Variants in PSMC1 observed in about 807,000 individuals in gnomAD.
PSMC1 encodes 26S proteasome regulatory subunit 4.
A neutral mutation model predicts 49.8 loss-of-function variants in PSMC1; 5 were observed. That is an observed-to-expected ratio of 0.10 (90% CI 0.05 to 0.21). The LOEUF (loss-of-function observed/expected upper bound fraction) is 0.21. Ranked by LOEUF, PSMC1 falls within the 10% of genes least tolerant of loss-of-function variation. PSMC1 has a pLI of 1.00. For synonymous variants in PSMC1, 155 were observed against 192.1 expected, an observed-to-expected ratio of 0.81 and a Z score of 1.60; for missense variants, 181 against 535.7, an observed-to-expected ratio of 0.34 and a Z score of 6.54.
intron 7 of PSMC1, among the ~76,000 whole-genome samples, chr14:90,267,256 G>A (rs1868278161): frequency 6.6e-6 from 1 of 151,792 alleles, no homozygotes. Context: ...TAGCCTCTCG[G>A]GTTCAAGCAA....
intron 2 of PSMC1, among the ~76,000 whole-genome samples, 200 bp from the exon 3 acceptor site, chr14:90,259,915 C>A (rs1566671295): frequency 6.6e-6 from 1 of 152,138 alleles, no homozygotes; most frequent in African/African-American, 2.4e-5. Context: ...AGCCACCACA[C>A]CCAGCCTACA....
At chr14:90,269,733 A>G (rs1891613457) in intron 9 of PSMC1, 185 bp downstream of exon 9, 2 of 532,994 alleles carry the variant, frequency 3.8e-6, no homozygotes, top group Non-Finnish European at 6.3e-6. Context: ...TGGTCTGTGC[A>G]CCTTGGCCCT....
chr14:90,259,811 G>A (rs567543403), intron 2 of PSMC1, among the ~76,000 whole-genome samples: 1 of 151,906 alleles, frequency 6.6e-6, no homozygotes, highest in Admixed American at 6.6e-5. Flanking sequence ...TAGTAGAGAT[G>A]GAGTTTCACC....
chr14:90,267,527 CT>C (rs952056069), intron 7 of PSMC1: 1 of 152,256 alleles, frequency 6.6e-6, no homozygotes, highest in Admixed American at 6.5e-5. Flanking sequence ...TGTTTGAGCT[CT>C]TCCCTGAGAT....
At chr14:90,264,334 GGTGAT>G (rs1478423974) in intron 6 of PSMC1, among the ~76,000 whole-genome samples, 165 bp downstream of exon 6, 1 of 152,218 alleles carries the variant, frequency 6.6e-6, no homozygotes, top group Admixed American at 6.5e-5. Context: ...TACTGAGTTA[GGTGAT>G]AGAAATAACA....
Position 90,272,151 on chromosome 14 carries a change from C to T in PSMC1, c.1189-122C>T, listed in dbSNP as rs74959426. ...TTAGGCGATCCACCTGCCTCGGCCT[C>T]CCAGAGTGCTGGGATTACAGGTGTG... On this transcript the variant is annotated intron_variant, in intron 10 of 10. Coordinates refer to ENST00000261303, the MANE Select transcript of PSMC1 (RefSeq NM_002802.3). This position sits in a 1 kb window ranked among gnomAD's most constrained non-coding sequence, Gnocchi z 4.5. 1.3e-4 allele frequency: 149 copies of T among 1,115,822 alleles called. No individual in the cohort carries two copies. The East Asian group carries it at 4.2e-3, about 31-fold the overall frequency. 69.1% of individuals were successfully genotyped at this position (1,115,822 alleles called of 1,614,324 possible). A position where few individuals can be genotyped will look rare whatever the true frequency, so the allele number is the denominator to read the frequency against.
chr14:90,270,548 G>A, intron 10 of PSMC1, 196 bp downstream of exon 10: 1 of 584,726 alleles, frequency 1.7e-6, no homozygotes, highest in Non-Finnish European at 2.8e-6. Context: ...ATTTTATGCA[G>A]TGAATGACGC....
Position 90,263,861 on chromosome 14 carries a change from C to CT in PSMC1, c.465+19dup. 6.2e-7 allele frequency: 1 copy of CT among 1,613,776 alleles called. No individual in the cohort carries two copies. The highest frequency in any genetic ancestry group is 1.3e-5 in the African/African-American group (1 of 75,030). On this transcript the variant is annotated intron_variant, in intron 5 of 10. Transcript: ENST00000261303. ...CTCAACCACAAGGTGAGGTGATAGT[C>CT]TTTTTCAGAAAGCCCACGGAAGTGC...
In PSMC1 at chr14:90,274,827, CA is replaced by C. The variant is rs879362744; in HGVS notation, c.*2421del. ...ACACACACACACACACACACACACA[CA>C]CACACACACACCCCAATACATATGA... On this transcript the variant is annotated 3_prime_UTR_variant, in exon 11 of 11. Coordinates refer to ENST00000261303, the MANE Select transcript of PSMC1 (RefSeq NM_002802.3). The C allele has an allele frequency of 0.069, 6,695 of 96,554 alleles. 223 individuals are homozygous for C. Among genetic ancestry groups the C allele is most frequent in the Non-Finnish European group, 0.09 (4,375 of 48,746 alleles). 6.0% of individuals were successfully genotyped at this position (96,554 alleles called of 1,614,324 possible).
At chr14:90,271,368 C>T (rs1013667461) in intron 10 of PSMC1, 7 of 152,160 alleles carry the variant, frequency 4.6e-5, no homozygotes, top group African/African-American at 1.7e-4. Context: ...TATCTATTTC[C>T]TTCATTTCTC....
intron 9 of PSMC1, 175 bp downstream of exon 9, chr14:90,269,723 TG>T: frequency 1.6e-6 from 1 of 620,234 alleles, no homozygotes; most frequent in Non-Finnish European, 2.7e-6. Flanking sequence ...GAGCATGATA[TG>T]GTCTGTGCAC....
intron 6 of PSMC1, 83 bp downstream of exon 6, chr14:90,264,252 G>A: frequency 6.4e-7 from 1 of 1,561,390 alleles, no homozygotes; most frequent in Admixed American, 2.1e-5. Context: ...TGTTTTGTAT[G>A]TTTGCTTATT....
chr14:90,275,048 A>G lies in PSMC1; in HGVS notation c.*2641A>G, dbSNP rs1413173384. On this transcript the variant is annotated 3_prime_UTR_variant, in exon 11 of 11. Transcript: ENST00000261303. ...CACCCAAGAGTGTCAGTGCTGTCAC[A>G]CTCCTGCCAAAGATGCTTAGCCTGA... 1 of 152,136 alleles carries G rather than the reference A, an allele frequency of 6.6e-6. No individual in the cohort carries two copies. Among genetic ancestry groups the G allele is most frequent in the Non-Finnish European group, 1.5e-5 (1 of 68,042 alleles). The allele number at this position is 152,136 out of a possible 1,614,324, so 9.4% of individuals were successfully genotyped here. A position where few individuals can be genotyped will look rare whatever the true frequency, so the allele number is the denominator to read the frequency against.
chr14:90,274,839 C>CACACACACACACACACACACA lies in PSMC1; in HGVS notation c.*2432_*2433insACACACACACACACACACACA, dbSNP rs1566678175. 1 of 121,404 alleles carries CACACACACACACACACACACA rather than the reference C, an allele frequency of 8.2e-6. No individual in the cohort carries two copies. The highest frequency in any genetic ancestry group is 3.0e-5 in the African/African-American group (1 of 33,250). The allele number at this position is 121,404 out of a possible 1,614,324, so 7.5% of individuals were successfully genotyped here. ...ACACACACACACACACACACACACA[C>CACACACACACACACACACACA]CCCAATACATATGAATTGATCTGAA... On this transcript the variant is annotated 3_prime_UTR_variant, in exon 11 of 11. Coordinates refer to ENST00000261303, the MANE Select transcript of PSMC1 (RefSeq NM_002802.3).
intron 1 of PSMC1, among the ~76,000 whole-genome samples, chr14:90,257,983 A>T (rs546969677): frequency 6.6e-6 from 1 of 152,222 alleles, no homozygotes; most frequent in South Asian, 2.1e-4. Context: ...AGTTCCCTCG[A>T]GGTAATTACT....
In PSMC1 at chr14:90,266,300, C is replaced by A. The variant is rs866609227; in HGVS notation, c.691+1134C>A. ...CCACCCTATTCTGCAGTATCAGATT[C>A]ATTTGGTAGAGCTCAGGACTTAGAA... On this transcript the variant is annotated intron_variant, in intron 7 of 10. Coordinates refer to ENST00000261303, the MANE Select transcript of PSMC1 (RefSeq NM_002802.3). Among the ~76,000 whole-genome samples, 19 of 152,036 alleles carry A rather than the reference C, an allele frequency of 1.2e-4. 1 individual carries two copies. Among genetic ancestry groups the A allele is most frequent in the African/African-American group, 3.6e-4 (15 of 41,482 alleles).
At chr14:90,265,636 C>T (rs1022193300) in intron 7 of PSMC1, among the ~76,000 whole-genome samples, 4 of 145,350 alleles carry the variant, frequency 2.8e-5, no homozygotes, top group East Asian at 2.0e-4. Flanking sequence ...TTGTAGTGAG[C>T]GGAGACAGCG....
intron 8 of PSMC1, 115 bp from the exon 9 acceptor site, chr14:90,269,282 A>G: frequency 2.3e-6 from 2 of 876,916 alleles, no homozygotes; most frequent in South Asian, 3.7e-5. Flanking sequence ...GTGCCATGTG[A>G]GTTGAAACAG....
chr14:90,267,846 C>A (rs4904664), intron 7 of PSMC1: 175,362 of 177,406 alleles, frequency 0.99, 86,696 homozygotes, highest in East Asian at 1. Flanking sequence ...GGGCCCAAGA[C>A]AGACTCAACC....
Sources: allele counts gnomAD v4.1 joint callset (sites outside exome capture counted in the v4.1 genomes callset), GRCh38; gene constraint gnomAD v4.1.1; non-coding constraint Gnocchi (gnomAD v3.1); transcripts MANE v1.5; gene names NCBI Gene and HGNC (gene_info 2026-07-23, HGNC 2026-07-21).